The following FGF12 variants were observed in gnomAD, a reference collection of about 807,000 sequenced individuals.
FGF12 encodes fibroblast growth factor 12.
A neutral mutation model predicts 23.6 loss-of-function variants in FGF12; 14 were observed. The observed-to-expected ratio is 0.59, with a 90% CI of 0.39 to 0.93. The LOEUF is 0.93. Ranked by LOEUF, FGF12 falls within the 40% of genes least tolerant of loss-of-function variation. FGF12 has a pLI of 0.00. For missense variants in FGF12, 175 were observed against 217.8 expected, an observed-to-expected ratio of 0.80 and a Z score of 1.24; for synonymous variants, 62 against 77.3, an observed-to-expected ratio of 0.80 and a Z score of 1.04.
intron 2 of FGF12, among the ~76,000 whole-genome samples, chr3:192,383,802 G>C (rs1719928904): frequency 6.6e-6 from 1 of 152,102 alleles, no homozygotes; most frequent in Non-Finnish European, 1.5e-5. Flanking sequence ...TACAAATTAG[G>C]TTTAGGATAT....
chr3:192,529,584 T>C (rs980617921), intron 2 of FGF12, among the ~76,000 whole-genome samples: 4 of 152,208 alleles, frequency 2.6e-5, no homozygotes, highest in Non-Finnish European at 5.9e-5. Flanking sequence ...CAATTTACTG[T>C]ATTAGTCCAT....
rs1164391172 is a variant in FGF12, at chr3:192,689,171, A to G, written c.13+38010T>C. Reference sequence around the variant, plus strand: ...GGAATACATTCTAATGTTTGATACCAGAGTAAGGTGACTACAGGTAACAAC... The same window carrying G: ...GGAATACATTCTAATGTTTGATACCGGAGTAAGGTGACTACAGGTAACAAC... On this transcript the variant is annotated intron_variant, in intron 2 of 5. Coordinates refer to ENST00000445105, the MANE Select transcript of FGF12 (RefSeq NM_004113.6). Among the ~76,000 whole-genome samples, 3 of 152,334 alleles carry G rather than the reference A, an allele frequency of 2.0e-5. No individual in the cohort carries two copies. The East Asian group carries it at 5.8e-4, about 29-fold the overall frequency.
chr3:192,150,826 A>C (rs1299413726), intron 5 of FGF12, among the ~76,000 whole-genome samples: 1 of 140,888 alleles, frequency 7.1e-6, no homozygotes, highest in Non-Finnish European at 1.6e-5. Context: ...TATGAACTTT[A>C]AAGTAGTTTT....
At chr3:192,203,464 CAT>C (rs1260640881) in intron 4 of FGF12, among the ~76,000 whole-genome samples, 2 of 152,130 alleles carry the variant, frequency 1.3e-5, no homozygotes, top group African/African-American at 4.8e-5. Flanking sequence ...GTAAATATCA[CAT>C]GTCTATATGT....
intron 2 of FGF12, among the ~76,000 whole-genome samples, chr3:192,523,836 A>T (rs559387545): frequency 2.0e-5 from 3 of 152,346 alleles, no homozygotes; most frequent in Non-Finnish European, 4.4e-5. Flanking sequence ...TGTGGTAATG[A>T]TAGCACAGAT....
At chr3:192,232,447 A>G (rs1037187455) in intron 4 of FGF12, among the ~76,000 whole-genome samples, 1 of 152,140 alleles carries the variant, frequency 6.6e-6, no homozygotes, top group African/African-American at 2.4e-5. Context: ...AGTTCTCATA[A>G]TTTGTATAAT....
intron 5 of FGF12, among the ~76,000 whole-genome samples, chr3:192,161,051 G>C (rs1055796292): frequency 1.3e-5 from 2 of 151,988 alleles, no homozygotes; most frequent in Admixed American, 6.6e-5. Flanking sequence ...AATAAACCAA[G>C]AAAGCTGACG....
chr3:192,573,751 T>C (rs1426698370), intron 2 of FGF12, among the ~76,000 whole-genome samples: 15 of 152,174 alleles, frequency 9.9e-5, no homozygotes, highest in Admixed American at 9.8e-4. Context: ...CCAACCAAAT[T>C]TGGGTATAAG....
chr3:192,664,330 C>G (rs888067756), intron 2 of FGF12, among the ~76,000 whole-genome samples: 2 of 152,048 alleles, frequency 1.3e-5, no homozygotes, highest in Non-Finnish European at 2.9e-5. Flanking sequence ...CACAGACATG[C>G]CAAATGAGTG....
intron 2 of FGF12, among the ~76,000 whole-genome samples, chr3:192,607,347 A>C (rs1445318034): frequency 1.3e-5 from 2 of 152,156 alleles, no homozygotes; most frequent in African/African-American, 2.4e-5. Flanking sequence ...TCAACACCAC[A>C]GAAAGAAAAT....
In FGF12 at chr3:192,305,328, A is replaced by G. The variant is rs1035755438; in HGVS notation, c.228+30033T>C. Among the ~76,000 whole-genome samples the G allele has an allele frequency of 4.9e-4, 75 of 152,072 alleles. 1 individual carries two copies. The highest frequency in any genetic ancestry group is 9.8e-4 in the Admixed American group (15 of 15,256). ...GGCTTCATTTTCATACAAACTCAAAAAGCTAAATGTAAAAAAAAACAAATT... is the reference window on the plus strand; with the variant it reads ...GGCTTCATTTTCATACAAACTCAAAGAGCTAAATGTAAAAAAAAACAAATT... On this transcript the variant is annotated intron_variant, in intron 4 of 5. Coordinates refer to ENST00000445105, the MANE Select transcript of FGF12 (RefSeq NM_004113.6).
At chr3:192,292,513 T>C (rs34472477) in intron 4 of FGF12, among the ~76,000 whole-genome samples, 1 of 152,180 alleles carries the variant, frequency 6.6e-6, no homozygotes, top group Non-Finnish European at 1.5e-5. Context: ...TTCTACATTG[T>C]CTTACTTATA....
intron 2 of FGF12, among the ~76,000 whole-genome samples, chr3:192,386,967 G>A (rs1166289043): frequency 6.6e-6 from 1 of 152,180 alleles, no homozygotes; most frequent in Non-Finnish European, 1.5e-5. Context: ...TCACCTGTCT[G>A]TTGCTTCCTT....
At chr3:192,158,330 T>TTC (rs1385652019) in intron 5 of FGF12, among the ~76,000 whole-genome samples, 1 of 79,626 alleles carries the variant, frequency 1.3e-5, no homozygotes, top group Admixed American at 1.2e-4. Flanking sequence ...CTTTCTTTCT[T>TTC]TCTCTTTCTT....
At chr3:192,622,132 G>C (rs1219800637) in intron 2 of FGF12, among the ~76,000 whole-genome samples, 1 of 152,120 alleles carries the variant, frequency 6.6e-6, no homozygotes, top group African/African-American at 2.4e-5. Flanking sequence ...GTGCCAACTG[G>C]TATGTAGATG....
At position 192,406,208 on chromosome 3, in the gene FGF12, C is replaced by T. The variant is rs374559773; in HGVS notation, c.14-45670G>A. Among the ~76,000 whole-genome samples the T allele has an allele frequency of 2.0e-5, 3 of 151,812 alleles. No individual in the cohort carries two copies. In the East Asian group the frequency reaches 5.8e-4, roughly 29 times the overall value. On this transcript the variant is annotated intron_variant, in intron 2 of 5. Coordinates refer to ENST00000445105, the MANE Select transcript of FGF12 (RefSeq NM_004113.6). The stretch of plus-strand genomic sequence containing the variant: ...CCTTCCTTCCCATGCAAAATGAAGC[C>T]ATGCAAAAGTAACCCATTGATCATC...
intron 2 of FGF12, among the ~76,000 whole-genome samples, chr3:192,371,835 G>A (rs574447818): frequency 2.8e-4 from 43 of 152,284 alleles, no homozygotes; most frequent in African/African-American, 1.0e-3. Context: ...AGCCAGGGTG[G>A]AAGGTTTTTG....
intron 4 of FGF12, among the ~76,000 whole-genome samples, chr3:192,242,932 GTCAGTTAGC>G (rs1719696838): frequency 6.6e-6 from 1 of 151,976 alleles, no homozygotes; most frequent in African/African-American, 2.4e-5. Flanking sequence ...AGAAAATTTA[GTCAGTTAGC>G]TCAGTATAAA....
chr3:192,444,929 T>C (rs890705365), intron 2 of FGF12, among the ~76,000 whole-genome samples: 3 of 152,204 alleles, frequency 2.0e-5, no homozygotes, highest in African/African-American at 7.2e-5. Flanking sequence ...AGGACAACAG[T>C]AGCTTCGCTT....
Sources: gnomAD v4.1 joint callset for allele counts (sites outside exome capture counted in the v4.1 genomes callset) on GRCh38, gnomAD v4.1.1 for gene constraint, MANE v1.5 for transcripts, NCBI Gene and HGNC (gene_info 2026-07-23, HGNC 2026-07-21) for gene names.